Variants in HMGN1 observed in about 807,000 individuals in gnomAD.
The protein encoded by HMGN1 is non-histone chromosomal protein HMG-14.
HMGN1 carries 9 observed loss-of-function variants against 18.4 expected under a neutral mutation model. The ratio of observed to expected loss-of-function variants is 0.49; its 90% CI spans 0.29 to 0.85. The LOEUF (loss-of-function observed/expected upper bound fraction) is 0.85, where lower values mean the gene tolerates loss of function less well. Ranked by LOEUF, HMGN1 falls within the 40% of genes least tolerant of loss-of-function variation. HMGN1 has a pLI of 0.07. For synonymous variants in HMGN1, 59 were observed against 45.0 expected, an observed-to-expected ratio of 1.31 and a Z score of -1.24; for missense variants, 151 against 119.2, an observed-to-expected ratio of 1.27 and a Z score of -1.24.
intron 4 of HMGN1, chr21:39,347,403 G>T: frequency 1.6e-6 from 2 of 1,236,228 alleles, no homozygotes; most frequent in Non-Finnish European, 2.1e-6. Context: ...GACAAATTTA[G>T]TAATTATCCA....
chr21:39,347,934 C>T, intron 4 of HMGN1: 7 of 1,075,622 alleles, frequency 6.5e-6, no homozygotes, highest in Non-Finnish European at 7.9e-6. Flanking sequence ...TTTCTCCTGG[C>T]CTCGGTGCTA....
intron 1 of HMGN1, 78 bp downstream of exon 1, chr21:39,348,825 G>C (rs2037165207): frequency 1.9e-6 from 2 of 1,026,710 alleles, no homozygotes; most frequent in Non-Finnish European, 2.4e-6. Context: ...GGGTGCAACG[G>C]GGCCTGGGCC....
intron 5 of HMGN1, among the ~76,000 whole-genome samples, 188 bp downstream of exon 5, chr21:39,344,958 C>T (rs1042266961): frequency 1.3e-5 from 2 of 152,160 alleles, no homozygotes; most frequent in Admixed American, 6.5e-5. Flanking sequence ...AAGCCATTTA[C>T]ATATTTACTT....
chr21:39,342,956 C>T lies in HMGN1; in HGVS notation c.*156G>A, dbSNP rs2146850649. ...TTCACCTCTTAAAAAAAAGCATTTA[C>T]ACTTAAAAAATGGGATGAGGTGGGA... is the stretch of plus-strand genomic sequence containing the variant. On this transcript the variant is annotated 3_prime_UTR_variant, in exon 6 of 6. Transcript: ENST00000380749. 7.8e-7 allele frequency: 1 copy of T among 1,280,728 alleles called. No homozygotes were observed. The highest frequency in any genetic ancestry group is 1.1e-6 in the Non-Finnish European group (1 of 916,332). 79.3% of individuals were successfully genotyped at this position (1,280,728 alleles called of 1,614,324 possible). A position where few individuals can be genotyped will look rare whatever the true frequency, so the allele number is the denominator to read the frequency against.
chr21:39,343,184 C>T, intron 5 of HMGN1, 25 bp from the exon 6 acceptor site: 1 of 1,582,870 alleles, frequency 6.3e-7, no homozygotes, highest in Non-Finnish European at 8.6e-7. Context: ...AAATTGAGAT[C>T]TTTAGCATTT....
intron 5 of HMGN1, among the ~76,000 whole-genome samples, chr21:39,343,809 G>T (rs774988461): frequency 6.6e-6 from 1 of 152,130 alleles, no homozygotes; most frequent in African/African-American, 2.4e-5. Flanking sequence ...TCATACTTGT[G>T]GCAGCCTTAT....
At chr21:39,344,715 T>C (rs1265313438) in intron 5 of HMGN1, 2 of 155,814 alleles carry the variant, frequency 1.3e-5, no homozygotes, top group African/African-American at 4.8e-5. Flanking sequence ...TAAAGATTAA[T>C]GACACTAGTC....
chr21:39,343,236 A>T (rs2036925739), intron 5 of HMGN1, 77 bp from the exon 6 acceptor site: 2 of 1,386,702 alleles, frequency 1.4e-6, no homozygotes, highest in South Asian at 1.3e-5. Context: ...TCAGGTCTTT[A>T]AAAAAGTCAA....
At chr21:39,348,266 A>G (rs1374507263) in intron 4 of HMGN1, 26 bp downstream of exon 4, 1 of 1,613,618 alleles carries the variant, frequency 6.2e-7, no homozygotes, top group South Asian at 1.1e-5. Context: ...GCCCCGCTGC[A>G]TCCCAATGCG....
Position 39,345,147 on chromosome 21 carries a change from T to A in HMGN1, c.254A>T (p.Glu85Val), listed in dbSNP as rs533966790. 3 of 1,390,276 alleles carry A rather than the reference T, an allele frequency of 2.2e-6. No homozygotes were observed. Among genetic ancestry groups the A allele is most frequent in the Non-Finnish European group, 2.9e-6 (3 of 1,035,166 alleles). The allele number at this position is 1,390,276 out of a possible 1,614,324, so 86.1% of individuals were successfully genotyped here. ...PAENGETKTE[E>V]SPASDEAGEK... ...CACACACACACACACACTTCTGACC[T>A]CCTCAGTCTTCGTTTCCCCGTTTTC... Residue 85 changes from glutamate (E) to valine (V), a missense_variant and splice_region_variant, in exon 5 of 6, where the codon GAG becomes GTG. Glu to Val is a moderately radical substitution (Grantham distance 121). Transcript: ENST00000380749.
intron 4 of HMGN1, chr21:39,345,982 G>A (rs1569006745): frequency 7.8e-7 from 1 of 1,288,866 alleles, no homozygotes; most frequent in Admixed American, 2.3e-5. Context: ...GTATTAATAT[G>A]ACCATACTAA....
In HMGN1 at chr21:39,345,449, T is replaced by A. The variant is rs928730771; in HGVS notation, c.127-175A>T. 17 of 634,240 alleles carry A rather than the reference T, an allele frequency of 2.7e-5. No homozygotes were observed. In the South Asian group the frequency reaches 3.3e-4, roughly 12 times the overall value. 39.3% of individuals were successfully genotyped at this position (634,240 alleles called of 1,614,324 possible). On this transcript the variant is annotated intron_variant, in intron 4 of 5. Transcript: ENST00000380749. ...CGTGAAACCCCAATCTTCAAGCTTATGAAAGGATCTCATTTTGTATAGACT... is the reference window on the plus strand; with the variant it reads ...CGTGAAACCCCAATCTTCAAGCTTAAGAAAGGATCTCATTTTGTATAGACT...
intron 4 of HMGN1, chr21:39,346,094 T>C (rs2146856457): frequency 4.1e-6 from 2 of 487,960 alleles, no homozygotes; most frequent in South Asian, 1.8e-5. Flanking sequence ...CATTTATTCC[T>C]TGTTAGTAAG....
At chr21:39,347,853 C>T (rs901757277) in intron 4 of HMGN1, 2 of 448,102 alleles carry the variant, frequency 4.5e-6, no homozygotes, top group South Asian at 5.0e-5. Flanking sequence ...TCCCCACCCC[C>T]ACCCCGTAAA....
chr21:39,347,692 C>T, intron 4 of HMGN1: 1 of 298,770 alleles, frequency 3.3e-6, no homozygotes, highest in Non-Finnish European at 6.6e-6. Flanking sequence ...CACACGTACA[C>T]CCAAAGCCAA....
rs200500013 is a variant in HMGN1 at position 39,348,559 on chromosome 21, C to A, written c.34G>T (p.Ala12Ser). The A allele has an allele frequency of 3.7e-6, 6 of 1,611,668 alleles. No homozygotes were observed. Among genetic ancestry groups the A allele is most frequent in the Non-Finnish European group, 5.1e-6 (6 of 1,179,138 alleles). The change falls in exon 2 of 6, where the codon GCC becomes TCC. Residue 12 changes from alanine to serine, a missense_variant. By Grantham distance (99) the Ala-to-Ser change is moderately conservative. Coordinates refer to ENST00000380749, the MANE Select transcript of HMGN1 (RefSeq NM_004965.7). ...CCCGCACTCACCTCTTCCTTGGCGG[C>A]GCCTTCGGCGGAGCTGACCTGCGGA... ...PKRKVSSAEG[A>S]AKEEPKRRSA... is the part of the protein sequence containing the mutation.
chr21:39,349,074 G>A lies in HMGN1; in HGVS notation c.-157C>T, dbSNP rs1456286922. 3 of 858,726 alleles carry A rather than the reference G, an allele frequency of 3.5e-6. No homozygotes were observed. The highest frequency in any genetic ancestry group is 4.8e-5 in the Admixed American group (1 of 20,902). 53.2% of individuals were successfully genotyped at this position (858,726 alleles called of 1,614,324 possible). A position where few individuals can be genotyped will look rare whatever the true frequency, so the allele number is the denominator to read the frequency against. ...GCTGCTGAGACCCACAGCGGGGGCG[G>A]TGGGAGAACCGGATGGAACCGGATT... On this transcript the variant is annotated 5_prime_UTR_variant, in exon 1 of 6. Coordinates refer to ENST00000380749, the MANE Select transcript of HMGN1 (RefSeq NM_004965.7).
intron 1 of HMGN1, 160 bp downstream of exon 1, chr21:39,348,742 GC>G (rs2037160774): frequency 9.3e-7 from 1 of 1,078,864 alleles, no homozygotes; most frequent in Non-Finnish European, 1.2e-6. Flanking sequence ...CAGAACGCCC[GC>G]CCCCGCGGCC....
chr21:39,344,888 A>G (rs2036988864), intron 5 of HMGN1, among the ~76,000 whole-genome samples: 1 of 152,204 alleles, frequency 6.6e-6, no homozygotes, highest in Non-Finnish European at 1.5e-5. Flanking sequence ...GAATATAAAA[A>G]CAAAACAAAG....
Sources: gnomAD v4.1 joint callset for allele counts (sites outside exome capture counted in the v4.1 genomes callset) on GRCh38, gnomAD v4.1.1 for gene constraint, MANE v1.5 for transcripts, NCBI Gene and HGNC (gene_info 2026-07-23, HGNC 2026-07-21) for gene names.